Variants in DIAPH3 observed in about 807,000 individuals in gnomAD.
DIAPH3 encodes protein diaphanous homolog 3.
Under a neutral mutation model 144.3 loss-of-function variants are expected in DIAPH3, and 117 were observed. The ratio of observed to expected loss-of-function variants is 0.81; its 90% CI spans 0.70 to 0.95. The LOEUF (loss-of-function observed/expected upper bound fraction) is 0.95, where lower values mean the gene tolerates loss of function less well. Among genes scored for constraint, DIAPH3 ranks in the 40% least tolerant of loss-of-function variants. DIAPH3 has a pLI of 0.00. For synonymous variants in DIAPH3, 519 were observed against 488.9 expected (o/e 1.06, Z -0.81); for missense variants, 1,421 against 1,412.7 (o/e 1.01, Z -0.09).
rs545063303 is a variant in DIAPH3 at position 59,908,305 on chromosome 13, C to T, written c.2367+3430G>A. On this transcript the variant is annotated intron_variant, in intron 20 of 27. Coordinates refer to ENST00000400324, the MANE Select transcript of DIAPH3 (RefSeq NM_001042517.2). ...AGGGGAATCGCTTGAACCCAGGAGG[C>T]GGTTGCAGTGAGCCGAGATCGTGCC... Among the ~76,000 whole-genome samples, 5 of 125,114 alleles carry T rather than the reference C, an allele frequency of 4.0e-5. No individual in the cohort carries two copies. The East Asian group carries it at 8.0e-4, about 20-fold the overall frequency. 82.1% of individuals were successfully genotyped at this position (125,114 alleles called of 152,430 possible).
At chr13:60,072,628 TTACTA>T (rs1445119076) in intron 4 of DIAPH3, among the ~76,000 whole-genome samples, 1 of 152,188 alleles carries the variant, frequency 6.6e-6, no homozygotes. Context: ...CTCATACTGC[TTACTA>T]TAAGTTATAG....
At chr13:60,049,998 T>A (rs2056261339) in intron 4 of DIAPH3, among the ~76,000 whole-genome samples, 1 of 152,190 alleles carries the variant, frequency 6.6e-6, no homozygotes, top group Admixed American at 6.6e-5. Flanking sequence ...GAAAACATAC[T>A]GGGCAACACA....
intron 1 of DIAPH3, among the ~76,000 whole-genome samples, chr13:60,142,736 GC>G (rs1460077463): frequency 6.6e-6 from 1 of 151,886 alleles, no homozygotes; most frequent in Non-Finnish European, 1.5e-5. Context: ...TCTCCAATAT[GC>G]CCTTTTCCTT....
intron 27 of DIAPH3, among the ~76,000 whole-genome samples, chr13:59,751,879 C>T (rs1354845194): frequency 1.3e-5 from 2 of 152,164 alleles, no homozygotes; most frequent in Non-Finnish European, 2.9e-5. Flanking sequence ...CCTCTGCAGT[C>T]AAGCTTCATA....
At chr13:59,852,422 AG>A (rs1425771736) in intron 22 of DIAPH3, among the ~76,000 whole-genome samples, 3 of 152,230 alleles carry the variant, frequency 2.0e-5, no homozygotes, top group Non-Finnish European at 4.4e-5. Context: ...CATCACCTCC[AG>A]AAAAATAAAC....
intron 17 of DIAPH3, among the ~76,000 whole-genome samples, chr13:59,961,833 G>A (rs904073953): frequency 2.6e-5 from 4 of 151,966 alleles, no homozygotes; most frequent in Admixed American, 2.0e-4. Context: ...ATGTTTCTGG[G>A]AGCAAATAAA....
rs116428510 is a variant in DIAPH3, at chr13:60,031,107, G to A, written c.626+11583C>T. Among the ~76,000 whole-genome samples the A allele has an allele frequency of 8.4e-3, 1,276 of 152,290 alleles. 22 individuals carry two copies. The highest frequency in any genetic ancestry group is 0.029 in the African/African-American group (1,196 of 41,558). ...CGCAGTTCTGCAGGTTGTACAGGAG[G>A]TATGGCGCCAGCATCTCCTCTGCTT... On this transcript the variant is annotated intron_variant, in intron 5 of 27. Transcript: ENST00000400324.
At chr13:60,045,900 A>T (rs1267658428) in intron 4 of DIAPH3, among the ~76,000 whole-genome samples, 1 of 152,246 alleles carries the variant, frequency 6.6e-6, no homozygotes, top group Non-Finnish European at 1.5e-5. Context: ...ATAAAAAACA[A>T]AAACCACCTA....
Position 59,684,651 on chromosome 13 carries a change from C to G in DIAPH3, c.3320-17805G>C, listed in dbSNP as rs189124548. Among the ~76,000 whole-genome samples, 212 of 152,218 alleles carry G rather than the reference C, an allele frequency of 1.4e-3. 1 individual carries two copies. The highest frequency in any genetic ancestry group is 4.8e-3 in the African/African-American group (198 of 41,538). ...ATCTTGAAAGTGGCTGGGTTTGGGC[C>G]TCTTTTCTGATGGTTACAGCAGATA... On this transcript the variant is annotated intron_variant, in intron 27 of 27. Transcript: ENST00000400324.
At chr13:59,807,624 A>T (rs341525) in intron 25 of DIAPH3, among the ~76,000 whole-genome samples, 1 of 151,728 alleles carries the variant, frequency 6.6e-6, no homozygotes, top group Non-Finnish European at 1.5e-5. Context: ...TGTATGATGC[A>T]TATGTACCTC....
At chr13:59,978,898 G>A (rs769451800) in intron 14 of DIAPH3, among the ~76,000 whole-genome samples, 10 of 151,652 alleles carry the variant, frequency 6.6e-5, no homozygotes, top group Non-Finnish European at 1.0e-4. Context: ...CAAGAAGGTT[G>A]ATAATTCAAT....
At chr13:59,794,933 C>T (rs2139427845) in intron 25 of DIAPH3, among the ~76,000 whole-genome samples, 1 of 152,314 alleles carries the variant, frequency 6.6e-6, no homozygotes, top group East Asian at 1.9e-4. Context: ...CTCTGGAAAA[C>T]AATTTGTATT....
chr13:59,711,290 C>A (rs1593639308), intron 27 of DIAPH3, among the ~76,000 whole-genome samples: 1 of 152,264 alleles, frequency 6.6e-6, no homozygotes, highest in East Asian at 1.9e-4. Context: ...CTTGGAGTGG[C>A]TTTCTTATCC....
chr13:59,760,964 T>G lies in DIAPH3; in HGVS notation c.3319+13225A>C, dbSNP rs183624210. Among the ~76,000 whole-genome samples, 3 of 152,332 alleles carry G rather than the reference T, an allele frequency of 2.0e-5. No homozygotes were observed. The East Asian group carries it at 5.8e-4, about 29-fold the overall frequency. ...ACTTAATGATCATTATCATTTATTC[T>G]AATATTAGTGCTAATAAATGGTAAA... On this transcript the variant is annotated intron_variant, in intron 27 of 27. Coordinates refer to ENST00000400324, the MANE Select transcript of DIAPH3 (RefSeq NM_001042517.2).
chr13:60,127,576 C>A (rs2138193823), intron 2 of DIAPH3, among the ~76,000 whole-genome samples: 2 of 152,060 alleles, frequency 1.3e-5, no homozygotes, highest in Middle Eastern at 6.8e-3. Flanking sequence ...AAACTGGAAA[C>A]AACCCAAACT....
At chr13:60,132,166 C>T (rs1373625329) in intron 2 of DIAPH3, among the ~76,000 whole-genome samples, 4 of 152,162 alleles carry the variant, frequency 2.6e-5, no homozygotes, top group Non-Finnish European at 5.9e-5. Context: ...ACGTTTCATT[C>T]GTCTTTGTAT....
chr13:60,132,015 T>C (rs2059154487), intron 2 of DIAPH3, among the ~76,000 whole-genome samples: 1 of 152,236 alleles, frequency 6.6e-6, no homozygotes, highest in African/African-American at 2.4e-5. Context: ...GAAATCTGTA[T>C]TGTTACCAAT....
intron 25 of DIAPH3, among the ~76,000 whole-genome samples, chr13:59,808,426 A>G (rs1344547458): frequency 3.3e-5 from 5 of 152,038 alleles, no homozygotes; most frequent in African/African-American, 7.2e-5. Context: ...ATTAGCAAAA[A>G]TCTTAAAAAA....
At chr13:59,786,674 GA>G (rs1040025195) in intron 25 of DIAPH3, among the ~76,000 whole-genome samples, 1 of 151,808 alleles carries the variant, frequency 6.6e-6, no homozygotes, top group Non-Finnish European at 1.5e-5. Context: ...CATTTAAAAA[GA>G]AAAAAAACTT....
Sources: allele counts gnomAD v4.1 joint callset (sites outside exome capture counted in the v4.1 genomes callset), GRCh38; gene constraint gnomAD v4.1.1; transcripts MANE v1.5; gene names NCBI Gene and HGNC (gene_info 2026-07-23, HGNC 2026-07-21).